Variants in GPATCH2 observed in about 807,000 individuals in gnomAD.
GPATCH2 encodes the protein G-patch domain containing 2.
A neutral mutation model predicts 58.0 loss-of-function variants in GPATCH2; 51 were observed. That is an observed-to-expected ratio of 0.88 (90% CI 0.70 to 1.11). GPATCH2 has a LOEUF of 1.11. Ranked by LOEUF, GPATCH2 falls within the 50% of genes most tolerant of loss-of-function variation. The probability of loss-of-function intolerance (pLI) is 0.00; values close to 1 mark genes in which losing one functional copy is unlikely to be tolerated. For missense variants in GPATCH2, 625 were observed against 652.2 expected (o/e 0.96, Z 0.45); for synonymous variants, 222 against 218.5 (o/e 1.02, Z -0.14).
chr1:217,501,174 T>C lies in GPATCH2; in HGVS notation c.1167-2779A>G, dbSNP rs142819795. Among the ~76,000 whole-genome samples the C allele has an allele frequency of 5.9e-3, 896 of 152,292 alleles. 11 individuals carry two copies. The highest frequency in any genetic ancestry group is 0.02 in the African/African-American group (841 of 41,592). On this transcript the variant is annotated intron_variant, in intron 6 of 9. Transcript: ENST00000366935. ...TTTTATAATTTTGTCATTTAAATAA[T>C]GTTACACAAATGGTATGATACAGGA... is the stretch of plus-strand genomic sequence containing the variant.
chr1:217,443,257 C>T (rs1659231963), intron 9 of GPATCH2, among the ~76,000 whole-genome samples: 1 of 152,120 alleles, frequency 6.6e-6, no homozygotes, highest in Non-Finnish European at 1.5e-5. Context: ...CAGTCTTTAT[C>T]CGAAATGACT....
intron 5 of GPATCH2, among the ~76,000 whole-genome samples, chr1:217,524,279 C>G (rs1353705434): frequency 6.7e-6 from 1 of 149,616 alleles, no homozygotes; most frequent in Admixed American, 6.6e-5. Context: ...CGGGCAGAGA[C>G]GCTCCTCACT....
chr1:217,559,784 G>A (rs1458902057), intron 5 of GPATCH2, among the ~76,000 whole-genome samples: 2 of 152,008 alleles, frequency 1.3e-5, no homozygotes, highest in Middle Eastern at 3.2e-3. Flanking sequence ...ACAAGTGAGA[G>A]CCCAAAAATG....
intron 8 of GPATCH2, among the ~76,000 whole-genome samples, chr1:217,461,284 T>C (rs891509434): frequency 3.3e-5 from 5 of 152,182 alleles, no homozygotes; most frequent in African/African-American, 9.7e-5. Context: ...TGGAATTCAA[T>C]TGGAAACCTA....
At position 217,494,534 on chromosome 1, in the gene GPATCH2, T is replaced by G. The variant is rs1015934131; in HGVS notation, c.1207-2784A>C. Among the ~76,000 whole-genome samples, 15 of 151,908 alleles carry G rather than the reference T, an allele frequency of 9.9e-5. No homozygotes were observed. The East Asian group carries it at 2.9e-3, about 29-fold the overall frequency. ...CGGGCGGATCACCTGAAGTCGGGAG[T>G]TCGAAACCAGCCTGGCCAACATAGC... On this transcript the variant is annotated intron_variant, in intron 7 of 9. Transcript: ENST00000366935.
chr1:217,483,491 T>C (rs907360784), intron 8 of GPATCH2, among the ~76,000 whole-genome samples: 4 of 151,814 alleles, frequency 2.6e-5, no homozygotes, highest in Non-Finnish European at 4.4e-5. Context: ...AGACCCCCCA[T>C]TGCTTTTTTT....
intron 5 of GPATCH2, among the ~76,000 whole-genome samples, chr1:217,569,506 C>G (rs1248497579): frequency 6.6e-6 from 1 of 151,668 alleles, no homozygotes; most frequent in Admixed American, 6.6e-5. Flanking sequence ...ACCAGCCCGG[C>G]TAACGTGGCG....
intron 8 of GPATCH2, among the ~76,000 whole-genome samples, chr1:217,487,171 C>T (rs1219319425): frequency 6.6e-6 from 1 of 152,180 alleles, no homozygotes; most frequent in Non-Finnish European, 1.5e-5. Context: ...TAAGATAGCA[C>T]CTATAATACC....
Position 217,611,039 on chromosome 1 carries a change from T to G in GPATCH2, c.868A>C (p.Lys290Gln). Residue 290 changes from lysine to glutamine, a missense_variant, in exon 4 of 10, where the codon AAG becomes CAG. Transcript: ENST00000366935. ...DDEQSDWFYE[K>Q]ESGGACGITG... ...ATACCACATGCTCCACCTGATTCCT[T>G]TTCGTAGAACCAGTCACTCTGTTCA... 6.2e-7 allele frequency: 1 copy of G among 1,613,596 alleles called. No homozygotes were observed. Among genetic ancestry groups the G allele is most frequent in the East Asian group, 2.2e-5 (1 of 44,838 alleles).
At chr1:217,500,545 G>A (rs1360101675) in intron 6 of GPATCH2, among the ~76,000 whole-genome samples, 1 of 151,882 alleles carries the variant, frequency 6.6e-6, no homozygotes, top group Non-Finnish European at 1.5e-5. Flanking sequence ...CCGCTTGTTT[G>A]TTTTCTTCTT....
chr1:217,587,173 C>A (rs1218131896), intron 5 of GPATCH2, among the ~76,000 whole-genome samples: 1 of 152,066 alleles, frequency 6.6e-6, no homozygotes, highest in Non-Finnish European at 1.5e-5. Flanking sequence ...CAAACAGGTT[C>A]CCAACAGCAT....
chr1:217,596,253 G>A (rs1011376163), intron 5 of GPATCH2, among the ~76,000 whole-genome samples: 10 of 152,006 alleles, frequency 6.6e-5, no homozygotes, highest in Non-Finnish European at 1.3e-4. Flanking sequence ...CAAAATATCT[G>A]GCTGAGATAT....
chr1:217,479,793 T>C (rs1661135603), intron 8 of GPATCH2, among the ~76,000 whole-genome samples: 1 of 151,754 alleles, frequency 6.6e-6, no homozygotes, highest in African/African-American at 2.4e-5. Context: ...AAGACACATA[T>C]TGAATGAAAA....
chr1:217,515,489 C>T (rs2102584376), intron 5 of GPATCH2, among the ~76,000 whole-genome samples: 1 of 152,200 alleles, frequency 6.6e-6, no homozygotes, highest in South Asian at 2.1e-4. Context: ...GCTAAGGTCA[C>T]CTGAGGTCAG....
In GPATCH2 at chr1:217,585,168, T is replaced by C. The variant is rs151146666; in HGVS notation, c.1098+25153A>G. 9.2e-5 allele frequency among the ~76,000 whole-genome samples: 14 copies of C among 152,282 alleles called. No homozygotes were observed. The East Asian group carries it at 1.3e-3, about 15-fold the overall frequency. On this transcript the variant is annotated intron_variant, in intron 5 of 9. Coordinates refer to ENST00000366935, the MANE Select transcript of GPATCH2 (RefSeq NM_018040.5). ...TTTATAAGAATGGGATCTTACACTATGTTTTCTTCTACAATTTGCTTTTTT... is the reference window on the plus strand; with the variant it reads ...TTTATAAGAATGGGATCTTACACTACGTTTTCTTCTACAATTTGCTTTTTT...
At chr1:217,589,747 T>C (rs1404918890) in intron 5 of GPATCH2, among the ~76,000 whole-genome samples, 1 of 152,160 alleles carries the variant, frequency 6.6e-6, no homozygotes, top group African/African-American at 2.4e-5. Flanking sequence ...CTTCAGCCAG[T>C]TGTCAAGGAT....
intron 5 of GPATCH2, among the ~76,000 whole-genome samples, chr1:217,524,204 C>T (rs1488694488): frequency 3.1e-5 from 2 of 65,056 alleles, no homozygotes; most frequent in Non-Finnish European, 8.8e-5. Context: ...GGCGGAGGGG[C>T]TCCTCACTTC....
chr1:217,563,207 C>T (rs1666015225), intron 5 of GPATCH2, among the ~76,000 whole-genome samples: 1 of 152,126 alleles, frequency 6.6e-6, no homozygotes, highest in Non-Finnish European at 1.5e-5. Context: ...AATGGAGCAA[C>T]AATTTATCTT....
intron 5 of GPATCH2, among the ~76,000 whole-genome samples, chr1:217,593,391 G>A (rs1045789727): frequency 1.3e-5 from 2 of 151,976 alleles, no homozygotes; most frequent in Admixed American, 1.3e-4. Context: ...TCCATCTACA[G>A]TAAAACTGAT....
Sources: allele counts gnomAD v4.1 joint callset (sites outside exome capture counted in the v4.1 genomes callset), GRCh38; gene constraint gnomAD v4.1.1; transcripts MANE v1.5; gene names NCBI Gene and HGNC (gene_info 2026-07-23, HGNC 2026-07-21).